DOK6: variants seen among roughly 807,000 people sequenced by gnomAD.
DOK6 encodes docking protein 6, also known as downstream of tyrosine kinase 6.
In DOK6, 22 loss-of-function variants were observed where a neutral mutation model predicts 44.0. That is an observed-to-expected ratio of 0.50 (90% CI 0.36 to 0.71). The LOEUF is 0.71. Among genes scored for constraint, DOK6 ranks in the 30% least tolerant of loss-of-function variants. The pLI is 0.00. For missense variants in DOK6, 340 were observed against 416.4 expected, an observed-to-expected ratio of 0.82 and a Z score of 1.60; for synonymous variants, 166 against 145.5, an observed-to-expected ratio of 1.14 and a Z score of -1.01.
intron 3 of DOK6, among the ~76,000 whole-genome samples, chr18:69,608,813 G>A (rs1332027626): frequency 1.3e-5 from 2 of 151,922 alleles, no homozygotes; most frequent in African/African-American, 2.4e-5. Context: ...AGGTGGGCGT[G>A]GTGGCAGGCG....
chr18:69,577,192 A>T lies in DOK6; in HGVS notation c.174+12598A>T, dbSNP rs145904127. On this transcript the variant is annotated intron_variant, in intron 2 of 7. Coordinates refer to ENST00000382713, the MANE Select transcript of DOK6 (RefSeq NM_152721.6). ...CCACCTATAAATACACTATTTCTTC[A>T]AAACTAGAAGAAAAGGCATTGGTAA... 3.9e-3 allele frequency among the ~76,000 whole-genome samples: 588 copies of T among 152,296 alleles called. 5 individuals are homozygous for T. The highest frequency in any genetic ancestry group is 0.014 in the African/African-American group (565 of 41,556).
At chr18:69,823,916 C>A (rs146542883) in intron 7 of DOK6, among the ~76,000 whole-genome samples, 2 of 152,046 alleles carry the variant, frequency 1.3e-5, no homozygotes, top group South Asian at 4.2e-4. Context: ...CAGAAACTTA[C>A]GTGTTTGAAG....
chr18:69,427,474 G>A (rs1253725519), intron 1 of DOK6, among the ~76,000 whole-genome samples: 1 of 152,166 alleles, frequency 6.6e-6, no homozygotes, highest in Non-Finnish European at 1.5e-5. Flanking sequence ...TGGCAAGGTG[G>A]TGGAGAAAAA....
chr18:69,519,442 A>G (rs1402716362), intron 1 of DOK6, among the ~76,000 whole-genome samples: 2 of 151,998 alleles, frequency 1.3e-5, no homozygotes, highest in African/African-American at 2.4e-5. Context: ...TTATTCACAC[A>G]TACAAGAAGA....
chr18:69,647,194 CCTAT>C (rs1413713034), intron 3 of DOK6, among the ~76,000 whole-genome samples: 1 of 151,894 alleles, frequency 6.6e-6, no homozygotes, highest in Non-Finnish European at 1.5e-5. Flanking sequence ...CATCCATCTA[CCTAT>C]CTATCTCCTG....
intron 3 of DOK6, among the ~76,000 whole-genome samples, chr18:69,676,062 C>T (rs1316886568): frequency 6.6e-6 from 1 of 152,092 alleles, no homozygotes; most frequent in Non-Finnish European, 1.5e-5. Context: ...AATCCCAGGC[C>T]TCTGACTCCA....
intron 1 of DOK6, among the ~76,000 whole-genome samples, chr18:69,465,727 T>A (rs1207407221): frequency 6.6e-6 from 1 of 152,058 alleles, no homozygotes; most frequent in African/African-American, 2.4e-5. Context: ...TTGGGTTGGT[T>A]CCAAGTCTTT....
intron 1 of DOK6, among the ~76,000 whole-genome samples, chr18:69,497,981 C>T (rs988599750): frequency 7.1e-6 from 1 of 140,318 alleles, no homozygotes; most frequent in Non-Finnish European, 1.6e-5. Context: ...CAGAGCTAGA[C>T]CTTGTCTCCA....
At chr18:69,411,883 A>C (rs954748559) in intron 1 of DOK6, among the ~76,000 whole-genome samples, 7 of 151,946 alleles carry the variant, frequency 4.6e-5, no homozygotes, top group Admixed American at 4.6e-4. Flanking sequence ...TTACTCTTTC[A>C]TCTCTTTGCC....
At chr18:69,546,004 G>A (rs1029252084) in intron 1 of DOK6, among the ~76,000 whole-genome samples, 17 of 151,328 alleles carry the variant, frequency 1.1e-4, no homozygotes, top group South Asian at 6.3e-4. Flanking sequence ...TGTAAACTAC[G>A]TGGTGGCTTA....
chr18:69,724,897 C>G (rs1331690831), intron 5 of DOK6: 1 of 152,234 alleles, frequency 6.6e-6, no homozygotes, highest in South Asian at 2.1e-4. Context: ...CTCCTTTTCT[C>G]CTGACCCACC....
At chr18:69,610,402 C>G (rs1395027150) in intron 3 of DOK6, among the ~76,000 whole-genome samples, 3 of 152,030 alleles carry the variant, frequency 2.0e-5, no homozygotes, top group Non-Finnish European at 4.4e-5. Context: ...GATACAGGTA[C>G]AAGAACATTA....
chr18:69,664,286 T>C (rs1324046393), intron 3 of DOK6, among the ~76,000 whole-genome samples: 1 of 152,232 alleles, frequency 6.6e-6, no homozygotes, highest in Non-Finnish European at 1.5e-5. Flanking sequence ...ATATGATCTT[T>C]CTTTCCAATG....
chr18:69,502,919 G>A (rs1198949205), intron 1 of DOK6, among the ~76,000 whole-genome samples: 2 of 152,084 alleles, frequency 1.3e-5, no homozygotes, highest in Non-Finnish European at 1.5e-5. Context: ...CGCTCTTATA[G>A]ATGGAGCCGT....
At chr18:69,832,962 A>G (rs897899718) in intron 7 of DOK6, among the ~76,000 whole-genome samples, 2 of 152,144 alleles carry the variant, frequency 1.3e-5, no homozygotes, top group Non-Finnish European at 2.9e-5. Context: ...TTGGAAGAAT[A>G]AACATTGTTA....
chr18:69,777,708 CACA>C (rs563179712), intron 7 of DOK6, among the ~76,000 whole-genome samples: 11 of 144,646 alleles, frequency 7.6e-5, no homozygotes, highest in Admixed American at 2.9e-4. Flanking sequence ...CCCTACACTT[CACA>C]ACAAGTATTA....
intron 3 of DOK6, among the ~76,000 whole-genome samples, chr18:69,670,231 G>C (rs1359939563): frequency 6.6e-6 from 1 of 152,138 alleles, no homozygotes; most frequent in Non-Finnish European, 1.5e-5. Flanking sequence ...TTTTGTAACA[G>C]ATTTGGTACA....
At chr18:69,528,054 T>C (rs1352330347) in intron 1 of DOK6, among the ~76,000 whole-genome samples, 2 of 151,168 alleles carry the variant, frequency 1.3e-5, no homozygotes, top group East Asian at 2.0e-4. Context: ...TCCCAGCTAC[T>C]CAGGAGGCTG....
At chr18:69,783,300 T>C (rs939301232) in intron 7 of DOK6, among the ~76,000 whole-genome samples, 8 of 152,200 alleles carry the variant, frequency 5.3e-5, no homozygotes, top group African/African-American at 1.9e-4. Context: ...AATTGAGATA[T>C]ACTATAAGAG....
Sources: allele counts gnomAD v4.1 joint callset (sites outside exome capture counted in the v4.1 genomes callset), GRCh38; gene constraint gnomAD v4.1.1; transcripts MANE v1.5; gene names NCBI Gene and HGNC (gene_info 2026-07-23, HGNC 2026-07-21).